Variants in C2orf81 observed in about 807,000 individuals in gnomAD.
C2orf81 encodes uncharacterized protein C2orf81.
In C2orf81, 5 loss-of-function variants were observed where a neutral mutation model predicts 7.9. The observed-to-expected ratio is 0.63, with a 90% CI of 0.33 to 1.33. The LOEUF is 1.33. Among genes scored for constraint, C2orf81 ranks in the 40% most tolerant of loss-of-function variants. The pLI is 0.05. For synonymous variants in C2orf81, 346 were observed against 367.4 expected, an observed-to-expected ratio of 0.94 and a Z score of 0.66; for missense variants, 781 against 830.4, an observed-to-expected ratio of 0.94 and a Z score of 0.73.
intron 1 of C2orf81, among the ~76,000 whole-genome samples, chr2:74,420,955 G>T (rs1415438215): frequency 6.6e-6 from 1 of 151,610 alleles, no homozygotes; most frequent in Non-Finnish European, 1.5e-5. Flanking sequence ...CTAATTTTTT[G>T]TATTTTAGTC....
Position 74,415,634 on chromosome 2 carries a change from C to A in C2orf81, c.543G>T (p.Pro181=). The stretch of plus-strand genomic sequence containing the variant: ...CCCCAGGGTCCTGGGGAAATGCACT[C>A]GGGCAGTGAGATGTCGGAAAGGGGA... ...PALPFPTSHC[P]SAFPQDPGGV... is the part of the protein sequence containing the mutation. Residue 181 remains proline, a synonymous_variant, in exon 3 of 3, where the codon CCG becomes CCT. Coordinates refer to ENST00000684111, the MANE Select transcript of C2orf81 (RefSeq NM_001316764.3). The surrounding 1 kb of genome is among the most constrained non-coding windows in gnomAD (Gnocchi z 5.5). 2 of 1,551,088 alleles carry A rather than the reference C, an allele frequency of 1.3e-6. No homozygotes were observed. The highest frequency in any genetic ancestry group is 1.4e-5 in the African/African-American group (1 of 73,180).
At position 74,415,421 on chromosome 2, in the gene C2orf81, C is replaced by T. The variant is rs548666922; in HGVS notation, c.756G>A (p.Ser252=). 3.4e-5 allele frequency: 52 copies of T among 1,531,174 alleles called. No individual in the cohort carries two copies. The highest frequency in any genetic ancestry group is 9.9e-5 in the East Asian group (4 of 40,540). The allele number at this position is 1,531,174 out of a possible 1,614,324, so 94.8% of individuals were successfully genotyped here. The change falls in exon 3 of 3, where the codon TCG becomes TCA. Residue 252 remains serine, a synonymous_variant. Coordinates refer to ENST00000684111, the MANE Select transcript of C2orf81 (RefSeq NM_001316764.3). The surrounding 1 kb of genome is among the most constrained non-coding windows in gnomAD (Gnocchi z 5.5). ...GGAAGCTCGCGCTCAAGGACCCGGC[C>T]GAGGAGAGGCCTCTAGACTGGCCGT... ...EADGQSRGLS[S]AGSLSASFQL... is the part of the protein sequence containing the mutation.
In C2orf81 at chr2:74,415,956, G is replaced by A. The variant is rs925148727; in HGVS notation, c.250-29C>T. ...CGGAGGCGAGAGAGGATCTCAGGTC[G>A]GCAGGGAGGGGCGGGAGAGGGAGAC... On this transcript the variant is annotated intron_variant, in intron 2 of 2. Transcript: ENST00000684111. The surrounding 1 kb of genome is among the most constrained non-coding windows in gnomAD (Gnocchi z 5.5). 1.9e-5 allele frequency: 29 copies of A among 1,546,876 alleles called. No individual in the cohort carries two copies. Among genetic ancestry groups the A allele is most frequent in the Middle Eastern group, 1.7e-4 (1 of 5,980 alleles).
intron 1 of C2orf81, 35 bp downstream of exon 1, chr2:74,421,508 G>T (rs1676614184): frequency 5.3e-6 from 2 of 378,736 alleles, no homozygotes; most frequent in South Asian, 1.2e-4. Context: ...GGCCGACCCT[G>T]GCTCTGGCGC....
rs1408126368 is a variant in C2orf81, at chr2:74,415,318, A to G, written c.859T>C (p.Ser287Pro). 6.5e-7 allele frequency: 1 copy of G among 1,546,256 alleles called. No individual in the cohort carries two copies. Among genetic ancestry groups the G allele is most frequent in the South Asian group, 1.2e-5 (1 of 83,616 alleles). The change falls in exon 3 of 3, where the codon TCA becomes CCA. Residue 287 changes from serine (S) to proline (P), a missense_variant. By Grantham distance (74) the Ser-to-Pro change is moderately conservative. Coordinates refer to ENST00000684111, the MANE Select transcript of C2orf81 (RefSeq NM_001316764.3). This position sits in a 1 kb window ranked among gnomAD's most constrained non-coding sequence, Gnocchi z 5.5. ...DPYLVASPQA[S>P]TGRGHPLGFH... ...CCGAGGGGGTGTCCCCTCCCAGTTG[A>G]GGCCTGGGGGCTGGCTACCAGGTAC...
At chr2:74,418,875 A>G (rs1185829039) in intron 1 of C2orf81, among the ~76,000 whole-genome samples, 1 of 152,088 alleles carries the variant, frequency 6.6e-6, no homozygotes, top group Non-Finnish European at 1.5e-5. Flanking sequence ...CGAGTAAATT[A>G]AAAGCTCATA....
In C2orf81 at chr2:74,415,869, C is replaced by T. The variant is rs1407366506; in HGVS notation, c.308G>A (p.Arg103His). Reference protein sequence around the residue: ...REAMLQITEWRFLARDEGESA... With the variant: ...REAMLQITEWHFLARDEGESA... ...TTCTCCCTCGTCCCGGGCCAGGAAGCGCCACTCGGTGATCTGCAGCATGGC... is the reference window on the plus strand; with the variant it reads ...TTCTCCCTCGTCCCGGGCCAGGAAGTGCCACTCGGTGATCTGCAGCATGGC... The change falls in exon 3 of 3, where the codon CGC becomes CAC. Residue 103 changes from arginine (R) to histidine (H), a missense_variant. Physicochemically the swap from Arg to His is conservative, Grantham distance 29. Transcript: ENST00000684111. The surrounding 1 kb of genome is among the most constrained non-coding windows in gnomAD (Gnocchi z 5.5). 1.3e-6 allele frequency: 2 copies of T among 1,551,216 alleles called. No individual in the cohort carries two copies. Among genetic ancestry groups the T allele is most frequent in the Non-Finnish European group, 8.7e-7 (1 of 1,146,742 alleles).
At position 74,414,738 on chromosome 2, in the gene C2orf81, A is replaced by T; in HGVS notation, c.1439T>A (p.Leu480His). ...ATCAGGGAGCACCGGGTGTGTGGTG[A>T]GGAAGCGGATCCTGGAGTTTGGGAG... ...LPLPNSRIRF[L>H]TTHPVLPDVA... Residue 480 changes from leucine to histidine, a missense_variant, in exon 3 of 3, where the codon CTC (leucine) becomes CAC (histidine). Physicochemically the swap from Leu to His is moderately conservative, Grantham distance 99 (BLOSUM62 -3). Transcript: ENST00000684111. The surrounding 1 kb of genome is among the most constrained non-coding windows in gnomAD (Gnocchi z 5.3). 19 of 1,549,812 alleles carry T rather than the reference A, an allele frequency of 1.2e-5. No homozygotes were observed. The highest frequency in any genetic ancestry group is 1.7e-5 in the Non-Finnish European group (19 of 1,145,828).
intron 1 of C2orf81, among the ~76,000 whole-genome samples, chr2:74,417,046 G>A (rs1425443284): frequency 6.6e-6 from 1 of 152,142 alleles, no homozygotes; most frequent in Non-Finnish European, 1.5e-5. Flanking sequence ...TCTTCTCCAC[G>A]AAGAGTAACC....
Position 74,415,814 on chromosome 2 carries a change from A to G in C2orf81, c.363T>C (p.Gly121=). ...TGCATGCCGAAGGCTCCTCGTCCTCACCCCATGTGGGGTCCTCAGCTACTG... is the reference window on the plus strand; with the variant it reads ...TGCATGCCGAAGGCTCCTCGTCCTCGCCCCATGTGGGGTCCTCAGCTACTG... ...ESAVAEDPTW[G]EDEEPSACTT... The change falls in exon 3 of 3, where the codon GGT becomes GGC. Residue 121 remains glycine, a synonymous_variant. Transcript: ENST00000684111. The surrounding 1 kb of genome is among the most constrained non-coding windows in gnomAD (Gnocchi z 5.5). The G allele has an allele frequency of 6.4e-7, 1 of 1,551,432 alleles. No individual in the cohort carries two copies. The highest frequency in any genetic ancestry group is 8.7e-7 in the Non-Finnish European group (1 of 1,146,968).
chr2:74,420,188 G>A (rs958589847), intron 1 of C2orf81, among the ~76,000 whole-genome samples: 2 of 151,850 alleles, frequency 1.3e-5, no homozygotes, highest in African/African-American at 4.8e-5. Flanking sequence ...TTCAACAAAA[G>A]GAAAACTTCA....
chr2:74,415,422 G>T lies in C2orf81; in HGVS notation c.755C>A (p.Ser252Ter). 2.0e-6 allele frequency: 3 copies of T among 1,532,196 alleles called. No homozygotes were observed. The highest frequency in any genetic ancestry group is 2.6e-6 in the Non-Finnish European group (3 of 1,134,212). The allele number at this position is 1,532,196 out of a possible 1,614,324, so 94.9% of individuals were successfully genotyped here. ...GAAGCTCGCGCTCAAGGACCCGGCCGAGGAGAGGCCTCTAGACTGGCCGTC... is the reference window on the plus strand; with the variant it reads ...GAAGCTCGCGCTCAAGGACCCGGCCTAGGAGAGGCCTCTAGACTGGCCGTC... ...EADGQSRGLS[S>*]AGSLSASFQL... The change falls in exon 3 of 3, where the codon TCG (serine) becomes TAG (stop). Residue 252 changes from serine to a stop codon, truncating the protein, a stop_gained. Coordinates refer to ENST00000684111, the MANE Select transcript of C2orf81 (RefSeq NM_001316764.3). LOFTEE classifies it low-confidence loss of function (END_TRUNC). The surrounding 1 kb of genome is among the most constrained non-coding windows in gnomAD (Gnocchi z 5.5).
At position 74,414,716 on chromosome 2, in the gene C2orf81, A is replaced by T; in HGVS notation, c.1461T>A (p.Pro487=). The part of the protein sequence containing the change: ...IRFLTTHPVL[P]DVARSRSPKL... ...TGGGGCTGCGGCTGCGGGCCACATC[A>T]GGGAGCACCGGGTGTGTGGTGAGGA... The change falls in exon 3 of 3, where the codon CCT becomes CCA. Residue 487 remains proline (P), a synonymous_variant. Coordinates refer to ENST00000684111, the MANE Select transcript of C2orf81 (RefSeq NM_001316764.3). The surrounding 1 kb of genome is among the most constrained non-coding windows in gnomAD (Gnocchi z 5.3). 6.5e-7 allele frequency: 1 copy of T among 1,546,474 alleles called. No homozygotes were observed. Among genetic ancestry groups the T allele is most frequent in the East Asian group, 2.5e-5 (1 of 40,816 alleles).
Position 74,415,171 on chromosome 2 carries a change from G to GGCGGGGGGC in C2orf81, c.1005_1006insGCCCCCCGC (p.Tyr335_Pro336insAlaProArg). 6.5e-7 allele frequency: 1 copy of GGCGGGGGGC among 1,545,046 alleles called. No homozygotes were observed. Among genetic ancestry groups the GGCGGGGGGC allele is most frequent in the South Asian group, 1.2e-5 (1 of 83,342 alleles). ...GGGCGGGTGGCGCCGCCCACAGAGG[G>GGCGGGGGGC]GTAGGACACCAACACGCCCGAGGCG... On this transcript the variant is annotated inframe_insertion, in exon 3 of 3. Transcript: ENST00000684111. The surrounding 1 kb of genome is among the most constrained non-coding windows in gnomAD (Gnocchi z 5.5).
At chr2:74,416,923 C>T (rs569124400) in intron 1 of C2orf81, among the ~76,000 whole-genome samples, 2 of 152,244 alleles carry the variant, frequency 1.3e-5, no homozygotes, top group Non-Finnish European at 1.5e-5. Context: ...CTGACAGACC[C>T]GGGGGAGCAG....
chr2:74,419,600 C>G (rs1382313930), intron 1 of C2orf81, among the ~76,000 whole-genome samples: 1 of 152,164 alleles, frequency 6.6e-6, no homozygotes, highest in African/African-American at 2.4e-5. Flanking sequence ...TCTATAAATA[C>G]AACCAAAAGG....
intron 1 of C2orf81, chr2:74,418,043 T>C (rs1676512647): frequency 5.1e-6 from 2 of 395,774 alleles, no homozygotes; most frequent in Non-Finnish European, 9.2e-6. Flanking sequence ...GCGGTGGTGA[T>C]GGTGGGTGTA....
intron 1 of C2orf81, among the ~76,000 whole-genome samples, chr2:74,419,587 A>C (rs988401462): frequency 2.6e-5 from 4 of 152,226 alleles, no homozygotes; most frequent in African/African-American, 9.6e-5. Flanking sequence ...CTGCAATTTC[A>C]GTTCTATAAA....
At chr2:74,417,631 A>G (rs1676502176) in intron 1 of C2orf81, 2 of 921,198 alleles carry the variant, frequency 2.2e-6, no homozygotes, top group Admixed American at 6.5e-5. Context: ...ACCCCCCTCC[A>G]TTGGCCACAC....
Sources: gnomAD v4.1 joint callset for allele counts (sites outside exome capture counted in the v4.1 genomes callset) on GRCh38, gnomAD v4.1.1 for gene constraint, Gnocchi (gnomAD v3.1) non-coding constraint, MANE v1.5 for transcripts, NCBI Gene and HGNC (gene_info 2026-07-23, HGNC 2026-07-21) for gene names.